Variants in NRCAM observed in about 807,000 individuals in gnomAD.
The protein encoded by NRCAM is NgCAM-related cell adhesion molecule.
In NRCAM, 83 loss-of-function variants were observed where a neutral mutation model predicts 156.5. That is an observed-to-expected ratio of 0.53 (90% CI 0.44 to 0.64). The LOEUF (loss-of-function observed/expected upper bound fraction) is 0.64. Ranked by LOEUF, NRCAM falls within the 30% of genes least tolerant of loss-of-function variation. The probability of loss-of-function intolerance (pLI) is 0.00; values close to 1 mark genes in which losing one functional copy is unlikely to be tolerated. For synonymous variants in NRCAM, 538 were observed against 563.9 expected (o/e 0.95, Z 0.65); for missense variants, 1,417 against 1,597.3 (o/e 0.89, Z 1.92).
chr7:108,229,169 A>C (rs984784325), intron 8 of NRCAM, among the ~76,000 whole-genome samples: 15 of 152,332 alleles, frequency 9.8e-5, no homozygotes, highest in African/African-American at 3.6e-4. Context: ...CAAGATGTCA[A>C]ATTCAGTAGT....
chr7:108,185,560 C>T (rs1051432142), intron 20 of NRCAM, among the ~76,000 whole-genome samples: 3 of 151,934 alleles, frequency 2.0e-5, no homozygotes, highest in African/African-American at 7.3e-5. Flanking sequence ...AACCCCGTCT[C>T]TACAGAAAGT....
chr7:108,234,932 TAA>T lies in NRCAM; in HGVS notation c.125-246_125-245del, dbSNP rs1341297320. The T allele has an allele frequency of 6.3e-6, 4 of 633,054 alleles. No individual in the cohort carries two copies. The Admixed American group carries it at 6.4e-5, about 10-fold the overall frequency. The allele number at this position is 633,054 out of a possible 1,614,324, so 39.2% of individuals were successfully genotyped here. On this transcript the variant is annotated intron_variant, in intron 5 of 32. Coordinates refer to ENST00000379028, the MANE Select transcript of NRCAM (RefSeq NM_001037132.4). The stretch of plus-strand genomic sequence containing the variant: ...ACTTGCAAAGTCCATTTTCTCACAC[TAA>T]AAGTTTGGGGAAATAATTATCAATA...
intron 1 of NRCAM, among the ~76,000 whole-genome samples, chr7:108,451,241 G>GA (rs891105700): frequency 1.6e-4 from 24 of 149,742 alleles, no homozygotes; most frequent in Middle Eastern, 3.5e-3. Flanking sequence ...AACAAAGAAA[G>GA]AAAAAAAAAG....
At position 108,239,939 on chromosome 7, in the gene NRCAM, T is replaced by A; in HGVS notation, c.106+20A>T. 1 of 1,543,076 alleles carries A rather than the reference T, an allele frequency of 6.5e-7. No homozygotes were observed. The highest frequency in any genetic ancestry group is 8.9e-7 in the Non-Finnish European group (1 of 1,117,486). ...GGCTTTGACTCCTGGGCCTAACAGCTTTAAAACGTTAATACTTACGATCAA... is the reference window on the plus strand; with the variant it reads ...GGCTTTGACTCCTGGGCCTAACAGCATTAAAACGTTAATACTTACGATCAA... On this transcript the variant is annotated intron_variant, in intron 4 of 32. Transcript: ENST00000379028.
chr7:108,206,314 G>T (rs1390941220), intron 13 of NRCAM, among the ~76,000 whole-genome samples: 1 of 152,214 alleles, frequency 6.6e-6, no homozygotes, highest in Non-Finnish European at 1.5e-5. Flanking sequence ...GTTACTTTGG[G>T]AAAGTCAATT....
intron 2 of NRCAM, among the ~76,000 whole-genome samples, chr7:108,329,290 A>C (rs559911582): frequency 2.6e-5 from 4 of 152,322 alleles, no homozygotes; most frequent in Non-Finnish European, 4.4e-5. Flanking sequence ...TTTTCATTAG[A>C]GTGCATAATA....
At chr7:108,402,771 G>T (rs920101310) in intron 1 of NRCAM, among the ~76,000 whole-genome samples, 1 of 152,194 alleles carries the variant, frequency 6.6e-6, no homozygotes, top group Admixed American at 6.5e-5. Flanking sequence ...GGTGCTGCTT[G>T]GATCAGGAGT....
chr7:108,363,224 T>C (rs1425230206), intron 2 of NRCAM, among the ~76,000 whole-genome samples: 1 of 152,176 alleles, frequency 6.6e-6, no homozygotes, highest in Non-Finnish European at 1.5e-5. Flanking sequence ...AAAAAGAATT[T>C]CAAATAATTT....
intron 2 of NRCAM, among the ~76,000 whole-genome samples, chr7:108,346,612 G>A (rs536873182): frequency 1.1e-4 from 17 of 152,318 alleles, no homozygotes; most frequent in Admixed American, 6.5e-4. Flanking sequence ...GACAAAAAGT[G>A]CTGGGTTTAA....
chr7:108,256,365 A>G (rs1364617682), intron 3 of NRCAM, among the ~76,000 whole-genome samples: 29 of 141,900 alleles, frequency 2.0e-4, no homozygotes, highest in East Asian at 4.1e-4. Flanking sequence ...GTGTCCACTC[A>G]GGGTTAAATG....
intron 9 of NRCAM, 113 bp downstream of exon 9, chr7:108,226,095 C>T (rs950997127): frequency 1.3e-5 from 9 of 713,362 alleles, no homozygotes; most frequent in Non-Finnish European, 2.1e-5. Flanking sequence ...TCATGGGTGG[C>T]TTCCTGATAA....
Position 108,390,558 on chromosome 7 carries a change from G to A in NRCAM, c.-174+8878C>T, listed in dbSNP as rs60936475. Among the ~76,000 whole-genome samples, 780 of 151,740 alleles carry A rather than the reference G, an allele frequency of 5.1e-3. 5 individuals are homozygous for A. The highest frequency in any genetic ancestry group is 0.014 in the African/African-American group (566 of 41,370). ...GCATTGATTTTTTGAACAGTTTTTC[G>A]TGTCTCTATCTCCTTCAGTTCTGCT... On this transcript the variant is annotated intron_variant, in intron 2 of 32. Coordinates refer to ENST00000379028, the MANE Select transcript of NRCAM (RefSeq NM_001037132.4).
intron 8 of NRCAM, among the ~76,000 whole-genome samples, chr7:108,230,378 C>T (rs1052422603): frequency 6.6e-6 from 1 of 152,126 alleles, no homozygotes; most frequent in African/African-American, 2.4e-5. Flanking sequence ...AGTCTCTCTA[C>T]TCTCTCTTTT....
intron 3 of NRCAM, among the ~76,000 whole-genome samples, chr7:108,299,114 A>AAAAAGAAAGAAAGAAAGAAAGAAAGAAAG: frequency 7.8e-5 from 2 of 25,530 alleles, no homozygotes; most frequent in East Asian, 6.5e-3. Context: ...TCAAAAAAAA[A>AAAAAGAAAGAAAGAAAGAAAGAAAGAAAG]AAAGAAAGAA....
At chr7:108,240,992 T>C (rs183747368) in intron 3 of NRCAM, among the ~76,000 whole-genome samples, 52 of 152,296 alleles carry the variant, frequency 3.4e-4, no homozygotes, top group Middle Eastern at 3.4e-3. Context: ...CTTTGTTTAT[T>C]CTATTTCATT....
chr7:108,435,959 C>A (rs59458537), intron 1 of NRCAM, among the ~76,000 whole-genome samples: 37,468 of 152,030 alleles, frequency 0.25, 4,940 homozygotes, highest in Non-Finnish European at 0.29. Context: ...GGTAAAACCC[C>A]GTTTCTACTG....
intron 1 of NRCAM, among the ~76,000 whole-genome samples, chr7:108,430,519 G>A (rs1011969858): frequency 5.9e-5 from 9 of 152,202 alleles, no homozygotes; most frequent in Admixed American, 6.5e-5. Flanking sequence ...GTGAAAGGAC[G>A]GGGCTGCCAG....
chr7:108,228,084 G>A (rs1323026388), intron 8 of NRCAM, among the ~76,000 whole-genome samples: 2 of 152,152 alleles, frequency 1.3e-5, no homozygotes, highest in African/African-American at 4.8e-5. Context: ...CACTTTGGGA[G>A]GCCAAGGTGG....
intron 30 of NRCAM, among the ~76,000 whole-genome samples, chr7:108,165,372 C>G (rs1315190773): frequency 6.6e-6 from 1 of 152,154 alleles, no homozygotes; most frequent in East Asian, 1.9e-4. Context: ...AATAATGGTG[C>G]CTACATCATA....
Sources: allele counts gnomAD v4.1 joint callset (sites outside exome capture counted in the v4.1 genomes callset), GRCh38; gene constraint gnomAD v4.1.1; transcripts MANE v1.5; gene names NCBI Gene and HGNC (gene_info 2026-07-23, HGNC 2026-07-21).